The following CD58 variants were observed in gnomAD, a reference collection of about 807,000 sequenced individuals.
CD58 encodes CD58 molecule.
A neutral mutation model predicts 27.6 loss-of-function variants in CD58; 14 were observed. The observed-to-expected ratio is 0.51, with a 90% confidence interval of 0.34 to 0.79. The LOEUF (loss-of-function observed/expected upper bound fraction) is 0.79. Ranked by LOEUF, CD58 falls within the 30% of genes least tolerant of loss-of-function variation. The pLI is 0.02. For synonymous variants in CD58, 117 were observed against 103.8 expected, an observed-to-expected ratio of 1.13 and a Z score of -0.77; for missense variants, 268 against 301.7, an observed-to-expected ratio of 0.89 and a Z score of 0.83.
chr1:116,529,919 G>T (rs1279769815), intron 3 of CD58, among the ~76,000 whole-genome samples: 1 of 152,076 alleles, frequency 6.6e-6, no homozygotes, highest in African/African-American at 2.4e-5. Flanking sequence ...CCACAAAAAG[G>T]TCCTACTAGA....
Position 116,550,715 on chromosome 1 carries a change from G to T in CD58, c.71-6111C>A, listed in dbSNP as rs944061871. On this transcript the variant is annotated intron_variant, in intron 1 of 5. Transcript: ENST00000369489. The surrounding 1 kb of genome is among the most constrained non-coding windows in gnomAD (Gnocchi z 4.2). Reference sequence around the variant, plus strand: ...ACATCTAGAATGCTGAATCCTTTCAGAAGGTTGTCAATTTACTTTGCCCAG... The same window carrying T: ...ACATCTAGAATGCTGAATCCTTTCATAAGGTTGTCAATTTACTTTGCCCAG... 6.6e-6 allele frequency among the ~76,000 whole-genome samples: 1 copy of T among 152,066 alleles called. No homozygotes were observed. Among genetic ancestry groups the T allele is most frequent in the African/African-American group, 2.4e-5 (1 of 41,384 alleles).
intron 3 of CD58, among the ~76,000 whole-genome samples, chr1:116,529,353 A>G (rs1457983496): frequency 6.6e-6 from 1 of 152,250 alleles, no homozygotes; most frequent in East Asian, 1.9e-4. Context: ...AAAATGTAGG[A>G]GCATGACACA....
rs1038691916 is a variant in CD58 at position 116,550,184 on chromosome 1, A to G, written c.71-5580T>C. On this transcript the variant is annotated intron_variant, in intron 1 of 5. Transcript: ENST00000369489. This position sits in a 1 kb window ranked among gnomAD's most constrained non-coding sequence, Gnocchi z 4.2. ...TGTGGCAATTTCTTAAAAGAAGACAATGATGAGTTTTGCTGCATCAATGGA... is the reference window on the plus strand; with the variant it reads ...TGTGGCAATTTCTTAAAAGAAGACAGTGATGAGTTTTGCTGCATCAATGGA... Among the ~76,000 whole-genome samples, 3 of 152,228 alleles carry G rather than the reference A, an allele frequency of 2.0e-5. No individual in the cohort carries two copies. The highest frequency in any genetic ancestry group is 7.2e-5 in the African/African-American group (3 of 41,456).
chr1:116,556,307 A>G (rs1477813270), intron 1 of CD58, among the ~76,000 whole-genome samples: 1 of 151,566 alleles, frequency 6.6e-6, no homozygotes, highest in Non-Finnish European at 1.5e-5. Context: ...CATATTAAGA[A>G]GGTTTTATTT....
rs143012718 is a variant in CD58 at position 116,517,694 on chromosome 1, C to T, written c.743+1537G>A. 4.2e-3 allele frequency among the ~76,000 whole-genome samples: 640 copies of T among 152,316 alleles called. 6 individuals are homozygous for T. The highest frequency in any genetic ancestry group is 0.02 in the Admixed American group (302 of 15,286). On this transcript the variant is annotated intron_variant, in intron 5 of 5. Coordinates refer to ENST00000369489, the MANE Select transcript of CD58 (RefSeq NM_001779.3). The surrounding 1 kb of genome is among the most constrained non-coding windows in gnomAD (Gnocchi z 6.5). ...CAGTCCCGCCTCCTCTGCCTCTTCC[C>T]ATCACCCTAGGGCATCTAGCTTTTC...
At chr1:116,567,793 G>C (rs1428606278) in intron 1 of CD58, among the ~76,000 whole-genome samples, 1 of 152,130 alleles carries the variant, frequency 6.6e-6, no homozygotes, top group Non-Finnish European at 1.5e-5. Flanking sequence ...AAGGTAAAAT[G>C]GTGCCTCTAC....
chr1:116,561,348 G>A (rs527365371), intron 1 of CD58, among the ~76,000 whole-genome samples: 78 of 152,238 alleles, frequency 5.1e-4, no homozygotes, highest in African/African-American at 1.9e-3. Flanking sequence ...ATCTGAATAC[G>A]GGTAAAAGTT....
In CD58 at chr1:116,532,896, A is replaced by G; in HGVS notation, c.628+3069T>C. 1 of 827,988 alleles carries G rather than the reference A, an allele frequency of 1.2e-6. No homozygotes were observed. Among genetic ancestry groups the G allele is most frequent in the Non-Finnish European group, 2.0e-6 (1 of 509,750 alleles). The allele number at this position is 827,988 out of a possible 1,614,324, so 51.3% of individuals were successfully genotyped here. On this transcript the variant is annotated intron_variant, in intron 3 of 5. Coordinates refer to ENST00000369489, the MANE Select transcript of CD58 (RefSeq NM_001779.3). The surrounding 1 kb of genome is among the most constrained non-coding windows in gnomAD (Gnocchi z 5.1). ...CTGAGGCCTCCCGCTACAGGCCCGG[A>G]GTCGCGACAGCCGGTCTGCCAGGCG...
intron 3 of CD58, among the ~76,000 whole-genome samples, chr1:116,525,894 G>T (rs868216820): frequency 2.6e-5 from 4 of 152,078 alleles, no homozygotes; most frequent in South Asian, 2.1e-4. Context: ...CAGGTGATCC[G>T]CCTGCCTCGG....
chr1:116,553,509 G>A (rs1295498924), intron 1 of CD58, among the ~76,000 whole-genome samples: 1 of 152,148 alleles, frequency 6.6e-6, no homozygotes, highest in Non-Finnish European at 1.5e-5. Context: ...GAGGAGAGGA[G>A]GTGCCAGGAG....
Position 116,570,494 on chromosome 1 carries a change from A to T in CD58, c.70+409T>A, listed in dbSNP as rs538968160. ...CAGGCGTCGCCCTCGAGCAGGTGGC[A>T]TCCGCGCCCGCTCCCCGTCCCGGGC... On this transcript the variant is annotated intron_variant, in intron 1 of 5. Coordinates refer to ENST00000369489, the MANE Select transcript of CD58 (RefSeq NM_001779.3). The surrounding 1 kb of genome is among the most constrained non-coding windows in gnomAD (Gnocchi z 6.4). Among the ~76,000 whole-genome samples, 107 of 152,082 alleles carry T rather than the reference A, an allele frequency of 7.0e-4. No individual in the cohort carries two copies. The highest frequency in any genetic ancestry group is 2.5e-3 in the African/African-American group (102 of 41,538).
At chr1:116,561,495 A>G (rs1366554439) in intron 1 of CD58, among the ~76,000 whole-genome samples, 1 of 152,216 alleles carries the variant, frequency 6.6e-6, no homozygotes, top group Non-Finnish European at 1.5e-5. Flanking sequence ...ATGTCAATAA[A>G]TTGCCATTGT....
At chr1:116,537,544 A>T (rs6677309) in intron 2 of CD58, among the ~76,000 whole-genome samples, 2 of 152,128 alleles carry the variant, frequency 1.3e-5, no homozygotes, top group African/African-American at 4.8e-5. Flanking sequence ...CAGTGCAGGG[A>T]GCAGCATGTG....
At chr1:116,549,081 T>A (rs1293028696) in intron 1 of CD58, among the ~76,000 whole-genome samples, 1 of 152,200 alleles carries the variant, frequency 6.6e-6, no homozygotes, top group Non-Finnish European at 1.5e-5. Flanking sequence ...CAGGATGGGA[T>A]TCATTTATTC....
rs369113443 is a variant in CD58, at chr1:116,527,045, A to G, written c.629-5062T>C. ...TAACTTTGTATCCTACAAATGTGCT[A>G]TAGTTTTTTATTAGTTCCAGGAGGT... On this transcript the variant is annotated intron_variant, in intron 3 of 5. Transcript: ENST00000369489. This position sits in a 1 kb window ranked among gnomAD's most constrained non-coding sequence, Gnocchi z 4.4. Among the ~76,000 whole-genome samples the G allele has an allele frequency of 6.6e-6, 1 of 152,342 alleles. No individual in the cohort carries two copies.
At position 116,519,049 on chromosome 1, in the gene CD58, G is replaced by T; in HGVS notation, c.743+182C>A. The T allele has an allele frequency of 7.6e-7, 1 of 1,309,718 alleles. No homozygotes were observed. Among genetic ancestry groups the T allele is most frequent in the Non-Finnish European group, 1.0e-6 (1 of 980,360 alleles). 81.1% of individuals were successfully genotyped at this position (1,309,718 alleles called of 1,614,324 possible). On this transcript the variant is annotated intron_variant, in intron 5 of 5. Transcript: ENST00000369489. This position sits in a 1 kb window ranked among gnomAD's most constrained non-coding sequence, Gnocchi z 4.7. Reference sequence around the variant, plus strand: ...GGAAACGATATGCAGAGAGTGGCTAGTGCAGTGCATGGCACACAGTTGGTA... The same window carrying T: ...GGAAACGATATGCAGAGAGTGGCTATTGCAGTGCATGGCACACAGTTGGTA...
Position 116,568,535 on chromosome 1 carries a change from G to T in CD58, c.70+2368C>A, listed in dbSNP as rs1022669708. Among the ~76,000 whole-genome samples, 39 of 152,200 alleles carry T rather than the reference G, an allele frequency of 2.6e-4. 1 individual carries two copies. Among genetic ancestry groups the T allele is most frequent in the African/African-American group, 8.4e-4 (35 of 41,532 alleles). On this transcript the variant is annotated intron_variant, in intron 1 of 5. Transcript: ENST00000369489. ...TAAATGTTTACTTTATCACCATCCA[G>T]CATCCATGTTTTTACTCATTTACTT...
At position 116,536,169 on chromosome 1, in the gene CD58, A is replaced by T; in HGVS notation, c.424T>A (p.Cys142Ser). Reference protein sequence around the residue: ...ALTNGSIEVQCMIPEHYNSHR... With the variant: ...ALTNGSIEVQSMIPEHYNSHR... Reference sequence around the variant, plus strand: ...CTGTTGTAATGCTCTGGTATCATGCATTGGACTTCAATGCTTCCATTAGTC... The same window carrying T: ...CTGTTGTAATGCTCTGGTATCATGCTTTGGACTTCAATGCTTCCATTAGTC... Residue 142 changes from cysteine (C) to serine (S), a missense_variant, in exon 3 of 6, where the codon TGC becomes AGC. Physicochemically the swap from Cys to Ser is moderately radical, Grantham distance 112. Transcript: ENST00000369489. The surrounding 1 kb of genome is among the most constrained non-coding windows in gnomAD (Gnocchi z 5.4). 2.5e-6 allele frequency: 4 copies of T among 1,613,426 alleles called. No homozygotes were observed. The highest frequency in any genetic ancestry group is 3.4e-6 in the Non-Finnish European group (4 of 1,179,400).
chr1:116,551,450 C>A (rs1658387598), intron 1 of CD58, among the ~76,000 whole-genome samples: 1 of 152,226 alleles, frequency 6.6e-6, no homozygotes. Flanking sequence ...TTTTCTCCTG[C>A]AGCTTTCTCA....
Sources: allele counts gnomAD v4.1 joint callset (sites outside exome capture counted in the v4.1 genomes callset), GRCh38; gene constraint gnomAD v4.1.1; non-coding constraint Gnocchi (gnomAD v3.1); transcripts MANE v1.5; gene names NCBI Gene and HGNC (gene_info 2026-07-23, HGNC 2026-07-21).